The following ARHGAP6 variants were observed in gnomAD, a reference collection of about 807,000 sequenced individuals.
The protein encoded by ARHGAP6 is rho GTPase-activating protein 6.
ARHGAP6 carries 16 observed loss-of-function variants against 55.7 expected under a neutral mutation model. The ratio of observed to expected loss-of-function variants is 0.29; its 90% confidence interval spans 0.19 to 0.44. The LOEUF (loss-of-function observed/expected upper bound fraction) is 0.44, where lower values mean the gene tolerates loss of function less well. Among genes scored for constraint, ARHGAP6 ranks in the 20% least tolerant of loss-of-function variants. The pLI is 1.00. For synonymous variants in ARHGAP6, 382 were observed against 360.9 expected, an observed-to-expected ratio of 1.06 and a Z score of -0.66; for missense variants, 698 against 808.9, an observed-to-expected ratio of 0.86 and a Z score of 1.66.
At chrX:11,439,634 A>G (rs1192436243) in intron 1 of ARHGAP6, among the ~76,000 whole-genome samples, 6 of 112,671 alleles carry the variant, frequency 5.3e-5, no homozygotes, top group Admixed American at 2.8e-4. Flanking sequence ...CTCTATTAAC[A>G]TAGTGATTAT....
intron 8 of ARHGAP6, among the ~76,000 whole-genome samples, chrX:11,172,736 G>T (rs1315721736): frequency 9.0e-6 from 1 of 111,087 alleles, no homozygotes; most frequent in Non-Finnish European, 1.9e-5. Flanking sequence ...AACAGGGAAA[G>T]AAGAGTTGCT....
At chrX:11,465,033 T>C (rs772858537) in intron 1 of ARHGAP6, among the ~76,000 whole-genome samples, 1 of 112,065 alleles carries the variant, frequency 8.9e-6, no homozygotes, top group South Asian at 3.8e-4. Context: ...CACGCATCAC[T>C]CATTACTCAC....
At chrX:11,503,223 G>A (rs34844588) in intron 1 of ARHGAP6, among the ~76,000 whole-genome samples, 3,291 of 110,891 alleles carry the variant, frequency 0.03, 57 homozygotes, top group Non-Finnish European at 0.045. Context: ...TGCAGAGAGG[G>A]TAGGAACCCC....
Position 11,254,716 on chromosome X carries a change from CAAAAAAAAA to C in ARHGAP6, c.589-18_589-10del, listed in dbSNP as rs751080433. 1.4e-5 allele frequency: 12 copies of C among 867,019 alleles called. No homozygotes were observed. Among genetic ancestry groups the C allele is most frequent in the Admixed American group, 1.5e-4 (2 of 13,727 alleles). 71.5% of individuals were successfully genotyped at this position (867,019 alleles called of 1,213,427 possible). ...TTCCAGGTGAAATCACCCTGTAGGC[CAAAAAAAAA>C]AAAAAAAAAAAAATCAAGAGTTACA... On this transcript the variant is annotated splice_polypyrimidine_tract_variant and intron_variant, in intron 1 of 12. Coordinates refer to ENST00000337414, the MANE Select transcript of ARHGAP6 (RefSeq NM_013427.3).
At chrX:11,404,618 G>T (rs1274483545) in intron 1 of ARHGAP6, among the ~76,000 whole-genome samples, 1 of 111,613 alleles carries the variant, frequency 9.0e-6, no homozygotes, top group Non-Finnish European at 1.9e-5. Flanking sequence ...GTTTGTGGGT[G>T]GTTATAAATG....
chrX:11,156,486 A>G, intron 10 of ARHGAP6, 43 bp downstream of exon 10: 7 of 1,091,957 alleles, frequency 6.4e-6, no homozygotes, highest in Non-Finnish European at 8.8e-6. Context: ...GGAAATAGAA[A>G]TCTCCAATGC....
At chrX:11,341,329 G>C (rs1326929940) in intron 1 of ARHGAP6, among the ~76,000 whole-genome samples, 2 of 111,314 alleles carry the variant, frequency 1.8e-5, no homozygotes, top group Admixed American at 9.5e-5. Context: ...TTAACTTCCT[G>C]TGTTCATGGT....
chrX:11,268,236 T>A (rs1319843237), intron 1 of ARHGAP6, among the ~76,000 whole-genome samples: 2 of 112,127 alleles, frequency 1.8e-5, no homozygotes, highest in Non-Finnish European at 3.8e-5. Flanking sequence ...ATTACAGTAC[T>A]CTTTTGCCTA....
At chrX:11,311,519 A>G (rs138297925) in intron 1 of ARHGAP6, among the ~76,000 whole-genome samples, 1 of 112,039 alleles carries the variant, frequency 8.9e-6, no homozygotes, top group African/African-American at 3.2e-5. Context: ...TAGCTACAAC[A>G]CATGGTTTCT....
chrX:11,543,667 T>A (rs764250289), intron 1 of ARHGAP6, among the ~76,000 whole-genome samples: 1 of 112,049 alleles, frequency 8.9e-6, no homozygotes, highest in South Asian at 3.8e-4. Context: ...TTCATGAGGA[T>A]GGGAACCTGC....
Position 11,363,274 on chromosome X carries a change from A to G in ARHGAP6, c.589-108567T>C, listed in dbSNP as rs1040790351. Among the ~76,000 whole-genome samples the G allele has an allele frequency of 1.8e-5, 2 of 111,904 alleles. 1 individual carries two copies. On this transcript the variant is annotated intron_variant, in intron 1 of 12. Transcript: ENST00000337414. ...CATGGTGCAGTGCAGACTATTTTTT[A>G]AATTGGCCTCAAACTCTAAAAAGCA...
intron 2 of ARHGAP6, among the ~76,000 whole-genome samples, chrX:11,202,629 G>A (rs1221300497): frequency 9.2e-6 from 1 of 108,332 alleles, no homozygotes; most frequent in African/African-American, 3.4e-5. Flanking sequence ...CCAACCTGGT[G>A]AAATCCCATC....
chrX:11,635,605 G>T (rs12397281), intron 1 of ARHGAP6, among the ~76,000 whole-genome samples: 13,961 of 110,674 alleles, frequency 0.13, 794 homozygotes, highest in Middle Eastern at 0.21. Context: ...TTCAAACATC[G>T]GGTGACTAAA....
At chrX:11,616,429 A>G (rs2052165222) in intron 1 of ARHGAP6, among the ~76,000 whole-genome samples, 1 of 111,034 alleles carries the variant, frequency 9.0e-6, no homozygotes, top group African/African-American at 3.3e-5. Flanking sequence ...CAGTTCAAGC[A>G]ATTCTTCTGC....
chrX:11,392,766 C>A (rs1246884861), intron 1 of ARHGAP6, among the ~76,000 whole-genome samples: 2 of 111,857 alleles, frequency 1.8e-5, no homozygotes, highest in Non-Finnish European at 3.8e-5. Flanking sequence ...TAAGTTCTTT[C>A]AACTTCTCCT....
chrX:11,650,032 T>C (rs1250061124), intron 1 of ARHGAP6, among the ~76,000 whole-genome samples: 1 of 105,462 alleles, frequency 9.5e-6, no homozygotes, highest in Non-Finnish European at 2.0e-5. Flanking sequence ...TCACACTCTG[T>C]TGCCCAGGCT....
intron 1 of ARHGAP6, among the ~76,000 whole-genome samples, chrX:11,546,884 G>C (rs533081806): frequency 5.0e-4 from 56 of 112,070 alleles, no homozygotes; most frequent in African/African-American, 1.7e-3. Flanking sequence ...AATAAAAAGG[G>C]AGAAAATAAC....
rs184516692 is a variant in ARHGAP6 at position 11,415,565 on chromosome X, C to T, written c.589-160858G>A. Reference sequence around the variant, plus strand: ...TGAATCAATTCCCCCATCTCTTCATCCCTCGTTGCTTCACATCCTTACCAC... The same window carrying T: ...TGAATCAATTCCCCCATCTCTTCATTCCTCGTTGCTTCACATCCTTACCAC... On this transcript the variant is annotated intron_variant, in intron 1 of 12. Coordinates refer to ENST00000337414, the MANE Select transcript of ARHGAP6 (RefSeq NM_013427.3). Among the ~76,000 whole-genome samples the T allele has an allele frequency of 7.1e-5, 8 of 112,204 alleles. No individual in the cohort carries two copies. In the East Asian group the frequency reaches 2.2e-3, roughly 31 times the overall value.
intron 1 of ARHGAP6, among the ~76,000 whole-genome samples, chrX:11,449,978 T>G (rs1417990733): frequency 9.0e-6 from 1 of 111,410 alleles, no homozygotes; most frequent in African/African-American, 3.3e-5. Flanking sequence ...AGGTGAGATA[T>G]TCACCCTGAC....
Sources: allele counts gnomAD v4.1 joint callset (sites outside exome capture counted in the v4.1 genomes callset), GRCh38; gene constraint gnomAD v4.1.1; transcripts MANE v1.5; gene names NCBI Gene and HGNC (gene_info 2026-07-23, HGNC 2026-07-21).